Variants in EXOC1 observed in about 807,000 individuals in gnomAD.
The protein encoded by EXOC1 is exocyst complex component 1.
A neutral mutation model predicts 107.7 loss-of-function variants in EXOC1; 67 were observed. That is an observed-to-expected ratio of 0.62 (90% CI 0.51 to 0.76). The LOEUF (loss-of-function observed/expected upper bound fraction) is 0.76. EXOC1 is among the 30% of genes least tolerant of loss of function. EXOC1 has a pLI of 0.00. For missense variants in EXOC1, 833 were observed against 1,055.7 expected, an observed-to-expected ratio of 0.79 and a Z score of 2.92; for synonymous variants, 348 against 353.5, an observed-to-expected ratio of 0.98 and a Z score of 0.17.
chr4:55,860,461 G>A lies in EXOC1; in HGVS notation c.175G>A (p.Asp59Asn). Residue 59 changes from aspartate (D) to asparagine (N), a missense_variant, in exon 3 of 19, where the codon GAT becomes AAT. Physicochemically the swap from Asp to Asn is conservative, Grantham distance 23. Coordinates refer to ENST00000381295, the MANE Select transcript of EXOC1 (RefSeq NM_001024924.2). The part of the protein sequence containing the change: ...QVKVVKVKKS[D>N]KGDFYKRQIA... Reference sequence around the variant, plus strand: ...TAAGGTGGTCAAAGTCAAGAAATCCGATAAGGGAGATTTCTACAAAAGGCA... The same window carrying A: ...TAAGGTGGTCAAAGTCAAGAAATCCAATAAGGGAGATTTCTACAAAAGGCA... 1.2e-6 allele frequency: 2 copies of A among 1,614,004 alleles called. No individual in the cohort carries two copies. Among genetic ancestry groups the A allele is most frequent in the Middle Eastern group, 1.6e-4 (1 of 6,062 alleles).
intron 17 of EXOC1, chr4:55,901,997 A>G (rs1360387920): frequency 6.4e-6 from 1 of 157,034 alleles, no homozygotes; most frequent in Non-Finnish European, 1.4e-5. Flanking sequence ...TGGGATGTTA[A>G]ATATCTAGTA....
chr4:55,874,507 G>T (rs1722721205), intron 8 of EXOC1, among the ~76,000 whole-genome samples: 1 of 151,932 alleles, frequency 6.6e-6, no homozygotes, highest in Non-Finnish European at 1.5e-5. Context: ...TTCTTTCATT[G>T]TACTTTTTCT....
chr4:55,860,461 G>T lies in EXOC1; in HGVS notation c.175G>T (p.Asp59Tyr). 1 of 1,614,004 alleles carries T rather than the reference G, an allele frequency of 6.2e-7. No individual in the cohort carries two copies. ...TAAGGTGGTCAAAGTCAAGAAATCCGATAAGGGAGATTTCTACAAAAGGCA... is the reference window on the plus strand; with the variant it reads ...TAAGGTGGTCAAAGTCAAGAAATCCTATAAGGGAGATTTCTACAAAAGGCA... Reference protein sequence around the residue: ...QVKVVKVKKSDKGDFYKRQIA... With the variant: ...QVKVVKVKKSYKGDFYKRQIA... Residue 59 changes from aspartate to tyrosine, a missense_variant, in exon 3 of 19, where the codon GAT becomes TAT. Coordinates refer to ENST00000381295, the MANE Select transcript of EXOC1 (RefSeq NM_001024924.2).
chr4:55,877,741 C>T (rs1577722404), intron 8 of EXOC1, 176 bp from the exon 9 acceptor site: 2 of 984,934 alleles, frequency 2.0e-6, no homozygotes, highest in South Asian at 4.7e-5. Flanking sequence ...TTGATATACA[C>T]AGGATATAAA....
At chr4:55,889,175 T>C (rs564805125) in intron 11 of EXOC1, among the ~76,000 whole-genome samples, 1 of 152,260 alleles carries the variant, frequency 6.6e-6, no homozygotes, top group South Asian at 2.1e-4. Context: ...ACTTAACCAT[T>C]ATACTTCTAT....
At position 55,883,916 on chromosome 4, in the gene EXOC1, A is replaced by G. The variant is rs757051243; in HGVS notation, c.1318A>G (p.Ser440Gly). ...CAAGATGACTGGCACAACTAAAGAAAGCAAGAAGTTTGGTAAGCTTAGGCA... is the reference window on the plus strand; with the variant it reads ...CAAGATGACTGGCACAACTAAAGAAGGCAAGAAGTTTGGTAAGCTTAGGCA... Reference protein sequence around the residue: ...KIKMTGTTKESKKFATLPRKE... With the variant: ...KIKMTGTTKEGKKFATLPRKE... The change falls in exon 10 of 19, where the codon AGC becomes GGC. Residue 440 changes from serine to glycine, a missense_variant. Ser to Gly is a moderately conservative substitution (Grantham distance 56, BLOSUM62 0). This residue lies in a region of EXOC1 where 617 missense variants were observed against 701.3 expected (regional missense o/e 0.88). Coordinates refer to ENST00000381295, the MANE Select transcript of EXOC1 (RefSeq NM_001024924.2). 1 of 1,603,146 alleles carries G rather than the reference A, an allele frequency of 6.2e-7. No homozygotes were observed. Among genetic ancestry groups the G allele is most frequent in the Admixed American group, 1.7e-5 (1 of 57,450 alleles).
At chr4:55,874,524 T>C (rs1722722605) in intron 8 of EXOC1, among the ~76,000 whole-genome samples, 1 of 152,174 alleles carries the variant, frequency 6.6e-6, no homozygotes, top group African/African-American at 2.4e-5. Context: ...TTCTTATTGC[T>C]ATAGGCCAGG....
chr4:55,855,524 G>A (rs969594173), intron 1 of EXOC1, among the ~76,000 whole-genome samples: 3 of 152,176 alleles, frequency 2.0e-5, no homozygotes, highest in Non-Finnish European at 2.9e-5. Flanking sequence ...AGATGATTAA[G>A]ACATGGTCCT....
intron 5 of EXOC1, chr4:55,868,777 A>G: frequency 3.1e-6 from 1 of 326,152 alleles, no homozygotes; most frequent in Non-Finnish European, 5.6e-6. Flanking sequence ...TGACTGGAGT[A>G]AAAACTAGGC....
rs77372857 is a variant in EXOC1 at position 55,886,697 on chromosome 4, T to G, written c.1331-2191T>G. On this transcript the variant is annotated intron_variant, in intron 10 of 18. Transcript: ENST00000381295. ...TCAATGAATGAAAATTAAGTAATTA[T>G]AAATGAAATTTAAATTAATTTTGCT... Among the ~76,000 whole-genome samples, 314 of 152,312 alleles carry G rather than the reference T, an allele frequency of 2.1e-3. 1 individual carries two copies. The highest frequency in any genetic ancestry group is 7.4e-3 in the African/African-American group (306 of 41,578).
chr4:55,860,876 T>C (rs183426834), intron 3 of EXOC1, among the ~76,000 whole-genome samples: 33 of 151,954 alleles, frequency 2.2e-4, no homozygotes, highest in African/African-American at 7.2e-4. Flanking sequence ...CCTTCCTTAG[T>C]CTTCATGAGT....
chr4:55,871,668 A>C (rs1020855910), intron 7 of EXOC1, among the ~76,000 whole-genome samples, 181 bp from the exon 8 acceptor site: 1 of 152,106 alleles, frequency 6.6e-6, no homozygotes, highest in Non-Finnish European at 1.5e-5. Context: ...GTGAGGCAAG[A>C]CCACACTTTG....
chr4:55,890,417 A>G (rs770757395), intron 12 of EXOC1, 31 bp downstream of exon 12: 1 of 1,601,874 alleles, frequency 6.2e-7, no homozygotes, highest in Non-Finnish European at 8.5e-7. Flanking sequence ...CTTCTTAAAC[A>G]TTAACATTAG....
chr4:55,858,880 T>C (rs1721225786), intron 2 of EXOC1, among the ~76,000 whole-genome samples: 1 of 152,174 alleles, frequency 6.6e-6, no homozygotes, highest in Non-Finnish European at 1.5e-5. Context: ...ATGATGCCTG[T>C]TAATGAAATT....
intron 4 of EXOC1, among the ~76,000 whole-genome samples, chr4:55,865,473 C>G (rs552952920): frequency 1.3e-5 from 2 of 152,252 alleles, no homozygotes; most frequent in East Asian, 3.9e-4. Flanking sequence ...AACACTAGTC[C>G]CCAACATCTT....
At chr4:55,891,161 G>A (rs888532448) in intron 12 of EXOC1, among the ~76,000 whole-genome samples, 154 bp from the exon 13 acceptor site, 19 of 152,202 alleles carry the variant, frequency 1.2e-4, no homozygotes, top group African/African-American at 4.3e-4. Context: ...GATCTTGGAA[G>A]AGTTTGTTTT....
intron 8 of EXOC1, chr4:55,875,547 C>G (rs1407595352): frequency 1.0e-6 from 1 of 980,858 alleles, no homozygotes; most frequent in Non-Finnish European, 1.2e-6. Flanking sequence ...TCTCCTACCT[C>G]CTAGCTGGGT....
At chr4:55,902,576 C>T (rs1285216231) in intron 18 of EXOC1, 38 bp downstream of exon 18, 10 of 1,408,802 alleles carry the variant, frequency 7.1e-6, no homozygotes, top group African/African-American at 1.5e-5. Context: ...CTTAAAGATC[C>T]TTACATATAT....
chr4:55,904,322 G>T, intron 18 of EXOC1, 21 bp from the exon 19 acceptor site: 3 of 1,561,080 alleles, frequency 1.9e-6, no homozygotes, highest in South Asian at 1.2e-5. Flanking sequence ...ATAGCCTAAT[G>T]ACTTTTTTTT....
Sources: allele counts gnomAD v4.1 joint callset (sites outside exome capture counted in the v4.1 genomes callset), GRCh38; gene constraint gnomAD v4.1.1; regional missense constraint gnomAD v4.1.1; transcripts MANE v1.5; gene names NCBI Gene and HGNC (gene_info 2026-07-23, HGNC 2026-07-21).